The following RNF121 variants were observed in gnomAD, a reference collection of about 807,000 sequenced individuals.
The protein encoded by RNF121 is ring finger protein 121.
In RNF121, 21 loss-of-function variants were observed where a neutral mutation model predicts 46.5. That is an observed-to-expected ratio of 0.45 (90% CI 0.32 to 0.65). The LOEUF (loss-of-function observed/expected upper bound fraction) is 0.65. RNF121 is among the 30% of genes least tolerant of loss of function. The pLI, the probability that RNF121 is intolerant of heterozygous loss-of-function variation, is 0.04. For missense variants in RNF121, 346 were observed against 416.0 expected, an observed-to-expected ratio of 0.83 and a Z score of 1.46; for synonymous variants, 139 against 144.7, an observed-to-expected ratio of 0.96 and a Z score of 0.28.
intron 1 of RNF121, among the ~76,000 whole-genome samples, chr11:71,932,358 C>T (rs1462980845): frequency 6.6e-6 from 1 of 152,206 alleles, no homozygotes; most frequent in African/African-American, 2.4e-5. Flanking sequence ...TAGGATTCCA[C>T]AGTTTGTGAA....
intron 3 of RNF121, among the ~76,000 whole-genome samples, chr11:71,974,463 A>G (rs199771921): frequency 2.0e-5 from 3 of 152,158 alleles, no homozygotes; most frequent in East Asian, 3.8e-4. Flanking sequence ...GGAACCTCCT[A>G]ACAGCTCTGT....
At chr11:71,974,043 G>A (rs1196011228) in intron 3 of RNF121, among the ~76,000 whole-genome samples, 2 of 152,020 alleles carry the variant, frequency 1.3e-5, no homozygotes, top group Admixed American at 6.6e-5. Context: ...CCGGGTTCAC[G>A]CCATTCTCCT....
intron 4 of RNF121, among the ~76,000 whole-genome samples, chr11:71,986,667 G>A (rs1954777016): frequency 1.3e-5 from 2 of 151,772 alleles, no homozygotes; most frequent in South Asian, 4.2e-4. Flanking sequence ...TACTCAGGAG[G>A]CTGAGGCAGA....
In RNF121 at chr11:71,990,729, CG is replaced by C. The variant is rs1565163298; in HGVS notation, c.627+15del. ...CATCTACCATAGGGGTAAGTTCATC[CG>C]GGTTCTTAAATACTGCTTCTTGACA... On this transcript the variant is annotated intron_variant, in intron 6 of 8. Transcript: ENST00000361756. 3 of 1,612,436 alleles carry C rather than the reference CG, an allele frequency of 1.9e-6. No individual in the cohort carries two copies. Among genetic ancestry groups the C allele is most frequent in the Non-Finnish European group, 2.5e-6 (3 of 1,179,496 alleles).
intron 1 of RNF121, among the ~76,000 whole-genome samples, chr11:71,934,565 G>A (rs1241484119): frequency 6.6e-6 from 1 of 152,176 alleles, no homozygotes; most frequent in African/African-American, 2.4e-5. Flanking sequence ...TTTAGTAAAT[G>A]TTCCTTGTTG....
At chr11:71,951,534 G>T (rs146799185) in intron 1 of RNF121, among the ~76,000 whole-genome samples, 371 of 151,876 alleles carry the variant, frequency 2.4e-3, no homozygotes, top group Middle Eastern at 0.01. Context: ...GCTGGGGTGG[G>T]AGGATTGCTT....
chr11:71,986,786 AAAAG>A (rs1954780717), intron 4 of RNF121, among the ~76,000 whole-genome samples: 1 of 151,612 alleles, frequency 6.6e-6, no homozygotes, highest in Non-Finnish European at 1.5e-5. Flanking sequence ...AAAAAAAAAA[AAAAG>A]AAAAAAAATA....
intron 1 of RNF121, among the ~76,000 whole-genome samples, chr11:71,932,702 G>T (rs1053835795): frequency 6.6e-6 from 1 of 152,192 alleles, no homozygotes; most frequent in Non-Finnish European, 1.5e-5. Context: ...TTAAACCCAT[G>T]TTTCCAGATT....
At chr11:71,929,154 T>G in intron 1 of RNF121, 30 bp downstream of exon 1, 2 of 1,546,626 alleles carry the variant, frequency 1.3e-6, no homozygotes, top group Non-Finnish European at 1.7e-6. Flanking sequence ...GAGGAGAGAC[T>G]CAACCTGAGA....
intron 2 of RNF121, among the ~76,000 whole-genome samples, chr11:71,958,072 C>G (rs2134173531): frequency 6.6e-6 from 1 of 152,236 alleles, no homozygotes; most frequent in East Asian, 1.9e-4. Flanking sequence ...CCAAAATATT[C>G]TGAATAATTT....
rs554373684 is a variant in RNF121 at position 71,960,398 on chromosome 11, C to T, written c.102-352C>T. On this transcript the variant is annotated intron_variant, in intron 2 of 8. Transcript: ENST00000361756. ...TCTTTGGGTTACTTTCTCGTTCCAGCATCAGGTTGAAATAGACTTGAAATG... is the reference window on the plus strand; with the variant it reads ...TCTTTGGGTTACTTTCTCGTTCCAGTATCAGGTTGAAATAGACTTGAAATG... 2.2e-3 allele frequency among the ~76,000 whole-genome samples: 336 copies of T among 152,322 alleles called. 1 individual carries two copies. The highest frequency in any genetic ancestry group is 7.7e-3 in the African/African-American group (322 of 41,560).
At chr11:71,963,449 C>G (rs554060808) in intron 3 of RNF121, among the ~76,000 whole-genome samples, 9 of 151,890 alleles carry the variant, frequency 5.9e-5, no homozygotes, top group Non-Finnish European at 1.3e-4. Context: ...GGTGAAACCC[C>G]GTCTCTAATA....
chr11:71,975,531 C>T (rs1324478010), intron 3 of RNF121, among the ~76,000 whole-genome samples: 2 of 152,156 alleles, frequency 1.3e-5, no homozygotes, highest in African/African-American at 4.8e-5. Flanking sequence ...GAGTGGAGTG[C>T]CTCTCCTCTG....
At chr11:71,949,245 C>G (rs1191025101) in intron 1 of RNF121, among the ~76,000 whole-genome samples, 1 of 152,060 alleles carries the variant, frequency 6.6e-6, no homozygotes. Flanking sequence ...TGTGGAGACC[C>G]CTTATCTACA....
intron 1 of RNF121, among the ~76,000 whole-genome samples, chr11:71,950,589 A>T (rs1953850862): frequency 6.9e-6 from 1 of 145,794 alleles, no homozygotes; most frequent in South Asian, 2.1e-4. Flanking sequence ...ACTCTGTCTT[A>T]AAAAAAAAAA....
chr11:71,949,305 C>T (rs1953806267), intron 1 of RNF121, among the ~76,000 whole-genome samples: 1 of 152,074 alleles, frequency 6.6e-6, no homozygotes, highest in South Asian at 2.1e-4. Flanking sequence ...ATAGTCCCAG[C>T]TACTCAGGAA....
At chr11:71,958,988 T>TTA (rs1298145345) in intron 2 of RNF121, among the ~76,000 whole-genome samples, 1 of 152,210 alleles carries the variant, frequency 6.6e-6, no homozygotes, top group African/African-American at 2.4e-5. Flanking sequence ...TTAGGTGTTT[T>TTA]TAAGTGTGCT....
At chr11:71,979,720 A>G (rs1255183294) in intron 3 of RNF121, among the ~76,000 whole-genome samples, 5 of 152,204 alleles carry the variant, frequency 3.3e-5, no homozygotes, top group South Asian at 4.1e-4. Flanking sequence ...AGAACATGCT[A>G]TTGATGATTG....
At chr11:71,995,607 A>C (rs1469164402) in intron 8 of RNF121, 56 bp downstream of exon 8, 1 of 1,397,842 alleles carries the variant, frequency 7.2e-7, no homozygotes, top group Non-Finnish European at 9.9e-7. Context: ...AGTACTGGCC[A>C]GTGTGACCTG....
Sources: gnomAD v4.1 joint callset for allele counts (sites outside exome capture counted in the v4.1 genomes callset) on GRCh38, gnomAD v4.1.1 for gene constraint, MANE v1.5 for transcripts, NCBI Gene and HGNC (gene_info 2026-07-23, HGNC 2026-07-21) for gene names.